Variants in MYO3B observed in about 807,000 individuals in gnomAD.
The protein encoded by MYO3B is myosin IIIB, also known as myosin-IIIb.
MYO3B carries 156 observed loss-of-function variants against 174.6 expected under a neutral mutation model. That is an observed-to-expected ratio of 0.89 (90% CI 0.78 to 1.02). The LOEUF (loss-of-function observed/expected upper bound fraction) is 1.02, where lower values mean the gene tolerates loss of function less well. Among genes scored for constraint, MYO3B ranks in the 50% least tolerant of loss-of-function variants. The pLI, the probability that MYO3B is intolerant of heterozygous loss-of-function variation, is 0.00. For synonymous variants in MYO3B, 563 were observed against 569.1 expected (o/e 0.99, Z 0.15); for missense variants, 1,632 against 1,639.4 (o/e 1.00, Z 0.08).
At chr2:170,519,336 T>C in intron 29 of MYO3B, 102 bp from the exon 30 acceptor site, 2 of 781,026 alleles carry the variant, frequency 2.6e-6, no homozygotes, top group Non-Finnish European at 4.1e-6. Flanking sequence ...CGGAGTGGTA[T>C]GAGGGCAGGG....
chr2:170,383,956 C>A, intron 12 of MYO3B, 142 bp downstream of exon 12: 2 of 638,766 alleles, frequency 3.1e-6, no homozygotes, highest in Non-Finnish European at 2.8e-6. Flanking sequence ...AGTGGCAGCT[C>A]TGTGGAACTT....
chr2:170,474,038 A>C (rs1448392393), intron 25 of MYO3B, among the ~76,000 whole-genome samples: 2 of 152,190 alleles, frequency 1.3e-5, no homozygotes, highest in Non-Finnish European at 2.9e-5. Flanking sequence ...TTGGCTTAGG[A>C]AATTAGGAAA....
chr2:170,363,812 A>G (rs900978658), intron 8 of MYO3B, among the ~76,000 whole-genome samples: 1 of 152,246 alleles, frequency 6.6e-6, no homozygotes, highest in Admixed American at 6.5e-5. Flanking sequence ...TCTCTTGCAT[A>G]TATCTCATGG....
intron 7 of MYO3B, among the ~76,000 whole-genome samples, chr2:170,315,857 C>A (rs563938557): frequency 6.6e-6 from 1 of 152,270 alleles, no homozygotes; most frequent in East Asian, 1.9e-4. Context: ...GACTTCAGAG[C>A]CCACACTCTG....
chr2:170,542,281 A>T lies in MYO3B; in HGVS notation c.3576-625A>T, dbSNP rs984024214. On this transcript the variant is annotated intron_variant, in intron 30 of 34. Coordinates refer to ENST00000408978, the MANE Select transcript of MYO3B (RefSeq NM_138995.5). ...ATACAATGTGTTCTGATTATCAAAA[A>T]TTGGGGACCCAGACCAATTGATTTT... Among the ~76,000 whole-genome samples the T allele has an allele frequency of 2.6e-5, 4 of 152,318 alleles. No individual in the cohort carries two copies. The South Asian group carries it at 8.3e-4, about 32-fold the overall frequency.
chr2:170,292,072 G>A (rs1288198796), intron 7 of MYO3B, among the ~76,000 whole-genome samples: 3 of 151,812 alleles, frequency 2.0e-5, no homozygotes, highest in Non-Finnish European at 4.4e-5. Context: ...CTTAGATTTG[G>A]TCTTTTGAGA....
intron 7 of MYO3B, among the ~76,000 whole-genome samples, chr2:170,308,229 T>C (rs1236495066): frequency 1.3e-5 from 2 of 152,218 alleles, no homozygotes; most frequent in Non-Finnish European, 2.9e-5. Context: ...ACGTGAATGT[T>C]CTGTTCTAGC....
chr2:170,418,657 T>C lies in MYO3B; in HGVS notation c.2650+10813T>C, dbSNP rs184317976. Reference sequence around the variant, plus strand: ...AGAACAGAAGTCCCTGCACCTCACATTCTAAGTTCAGGAAAGGTCTAAGAG... The same window carrying C: ...AGAACAGAAGTCCCTGCACCTCACACTCTAAGTTCAGGAAAGGTCTAAGAG... On this transcript the variant is annotated intron_variant, in intron 22 of 34. Transcript: ENST00000408978. Among the ~76,000 whole-genome samples the C allele has an allele frequency of 1.4e-4, 21 of 152,270 alleles. 1 individual carries two copies. The East Asian group carries it at 3.9e-3, about 28-fold the overall frequency.
intron 32 of MYO3B, among the ~76,000 whole-genome samples, chr2:170,569,943 A>G (rs1266842194): frequency 1.3e-5 from 2 of 151,854 alleles, no homozygotes; most frequent in East Asian, 1.9e-4. Context: ...TAGAATTCAG[A>G]CTGTTTTGCC....
chr2:170,305,328 A>G (rs572202225), intron 7 of MYO3B, among the ~76,000 whole-genome samples: 1 of 152,276 alleles, frequency 6.6e-6, no homozygotes, highest in South Asian at 2.1e-4. Context: ...AAATAGTACT[A>G]TACTGTTTTA....
At chr2:170,457,817 T>C (rs1041802898) in intron 23 of MYO3B, among the ~76,000 whole-genome samples, 11 of 152,192 alleles carry the variant, frequency 7.2e-5, no homozygotes, top group African/African-American at 2.4e-4. Context: ...TGCAGTGCCA[T>C]GATCGTGGCT....
chr2:170,649,663 C>CA (rs1350567184), intron 32 of MYO3B, among the ~76,000 whole-genome samples: 1 of 150,162 alleles, frequency 6.7e-6, no homozygotes, highest in Non-Finnish European at 1.5e-5. Flanking sequence ...CCCATCTCTA[C>CA]AAAAAATACA....
intron 16 of MYO3B, among the ~76,000 whole-genome samples, chr2:170,399,095 G>A (rs939565108): frequency 2.0e-5 from 3 of 151,888 alleles, no homozygotes; most frequent in African/African-American, 7.2e-5. Context: ...ATACAAAATT[G>A]GCCGGGCGTG....
chr2:170,235,723 C>T (rs2093062405), intron 6 of MYO3B, among the ~76,000 whole-genome samples: 1 of 152,188 alleles, frequency 6.6e-6, no homozygotes, highest in South Asian at 2.1e-4. Flanking sequence ...ACATCCGCTT[C>T]CTCCCCTTGC....
chr2:170,290,981 G>C (rs975881422), intron 7 of MYO3B, among the ~76,000 whole-genome samples: 1 of 152,128 alleles, frequency 6.6e-6, no homozygotes, highest in Admixed American at 6.5e-5. Context: ...CAGGTATAGT[G>C]GCTCATGCCT....
chr2:170,357,336 A>G (rs2094129436), intron 8 of MYO3B, among the ~76,000 whole-genome samples: 1 of 132,306 alleles, frequency 7.6e-6, no homozygotes, highest in African/African-American at 2.6e-5. Context: ...TAAATAATAT[A>G]TATTATATAT....
At chr2:170,532,144 A>G (rs139926058) in intron 30 of MYO3B, among the ~76,000 whole-genome samples, 17 of 152,328 alleles carry the variant, frequency 1.1e-4, no homozygotes, top group African/African-American at 3.6e-4. Context: ...AGAAGACAAC[A>G]TCACTTTTGT....
chr2:170,343,030 AACACACACACACACACAC>A (rs56221872), intron 8 of MYO3B, among the ~76,000 whole-genome samples: 3,525 of 136,008 alleles, frequency 0.026, 104 homozygotes, highest in East Asian at 0.15. Flanking sequence ...TCGGGCCTCT[AACACACACACACACACAC>A]ACACACACAC....
At chr2:170,452,225 G>A (rs1017256259) in intron 23 of MYO3B, among the ~76,000 whole-genome samples, 8 of 151,906 alleles carry the variant, frequency 5.3e-5, no homozygotes, top group African/African-American at 1.2e-4. Context: ...GTAACATAAC[G>A]TAAAACCAAA....
Sources: allele counts gnomAD v4.1 joint callset (sites outside exome capture counted in the v4.1 genomes callset), GRCh38; gene constraint gnomAD v4.1.1; transcripts MANE v1.5; gene names NCBI Gene and HGNC (gene_info 2026-07-23, HGNC 2026-07-21).